Variants in GALNT16 observed in about 807,000 individuals in gnomAD.
GALNT16 encodes the protein polypeptide N-acetylgalactosaminyltransferase 16.
Under a neutral mutation model 76.1 loss-of-function variants are expected in GALNT16, and 40 were observed. That is an observed-to-expected ratio of 0.53 (90% CI 0.41 to 0.68). The LOEUF is 0.68. Ranked by LOEUF, GALNT16 falls within the 30% of genes least tolerant of loss-of-function variation. The probability of loss-of-function intolerance (pLI) is 0.00; values close to 1 mark genes in which losing one functional copy is unlikely to be tolerated. For missense variants in GALNT16, 621 were observed against 731.9 expected (o/e 0.85, Z 1.75); for synonymous variants, 276 against 285.2 (o/e 0.97, Z 0.32).
the GALNT16 span, among the ~76,000 whole-genome samples, chr14:69,371,822 T>TAATC: frequency 6.6e-6 from 1 of 151,796 alleles, no homozygotes; most frequent in Non-Finnish European, 1.5e-5. Flanking sequence ...CGTGAGCTTG[T>TAATC]AATCCCAGCT....
rs565558118 is a variant in GALNT16, at chr14:69,330,097, C to T, written c.691-1367C>T. ...GCAGTGGAGCTGCTAGGTGTAGACCCGAGAGAAATGAAAACATATGTTCAC... is the reference window on the plus strand; with the variant it reads ...GCAGTGGAGCTGCTAGGTGTAGACCTGAGAGAAATGAAAACATATGTTCAC... On this transcript the variant is annotated intron_variant, in intron 6 of 14. Coordinates refer to ENST00000448469, the MANE Select transcript of GALNT16 (RefSeq NM_001168368.2). Among the ~76,000 whole-genome samples, 44 of 151,850 alleles carry T rather than the reference C, an allele frequency of 2.9e-4. No homozygotes were observed. In the South Asian group the frequency reaches 4.8e-3, roughly 17 times the overall value.
At chr14:69,297,790 G>C (rs1185510586) in intron 1 of GALNT16, among the ~76,000 whole-genome samples, 1 of 152,076 alleles carries the variant, frequency 6.6e-6, no homozygotes, top group Non-Finnish European at 1.5e-5. Flanking sequence ...TATGTGTTCA[G>C]CCTCTAGGTC....
intron 1 of GALNT16, among the ~76,000 whole-genome samples, chr14:69,275,851 G>C (rs1170103283): frequency 6.6e-5 from 10 of 152,208 alleles, no homozygotes; most frequent in African/African-American, 2.4e-4. Flanking sequence ...TATAAAGTGA[G>C]ACATGTATTA....
At position 69,331,390 on chromosome 14, in the gene GALNT16, C is replaced by T. The variant is rs534367052; in HGVS notation, c.691-74C>T. 480 of 840,458 alleles carry T rather than the reference C, an allele frequency of 5.7e-4. 12 individuals carry two copies. The South Asian group carries it at 6.3e-3, about 11-fold the overall frequency. 52.1% of individuals were successfully genotyped at this position (840,458 alleles called of 1,614,324 possible). A position where few individuals can be genotyped will look rare whatever the true frequency, so the allele number is the denominator to read the frequency against. On this transcript the variant is annotated intron_variant, in intron 6 of 14. Transcript: ENST00000448469. Reference sequence around the variant, plus strand: ...GCCCCATGTCTCAGAGAGGCCTTCTCCCCAGAGCAGGCAGCTAGGCCTTTT... The same window carrying T: ...GCCCCATGTCTCAGAGAGGCCTTCTTCCCAGAGCAGGCAGCTAGGCCTTTT...
At chr14:69,379,477 G>A in the GALNT16 span, among the ~76,000 whole-genome samples, 1 of 152,186 alleles carries the variant, frequency 6.6e-6, no homozygotes, top group Non-Finnish European at 1.5e-5. Flanking sequence ...GGCAGGAACA[G>A]GGGGATATTA....
In GALNT16 at chr14:69,260,426, A is replaced by C. The variant is rs1482590873; in HGVS notation, c.136A>C (p.Arg46=). 2 of 1,588,892 alleles carry C rather than the reference A, an allele frequency of 1.3e-6. No homozygotes were observed. The highest frequency in any genetic ancestry group is 4.6e-5 in the East Asian group (2 of 43,698). The change falls in exon 1 of 15, where the codon AGG becomes CGG. Residue 46 remains arginine (R), a synonymous_variant. Transcript: ENST00000448469. ...GGRGAQRAGR[R]SEQLREDRTI... ...CCGGGGCGCGCAGAGGGCAGGCAGG[A>C]GGTCGGAGCAGCTCCGCGAGGACCG... is the stretch of plus-strand genomic sequence containing the variant.
chr14:69,282,335 A>G (rs2044555009), intron 1 of GALNT16, among the ~76,000 whole-genome samples: 1 of 152,060 alleles, frequency 6.6e-6, no homozygotes, highest in South Asian at 2.1e-4. Context: ...TGCTCCTTCC[A>G]CACTGACCTC....
chr14:69,297,572 T>A lies in GALNT16; in HGVS notation c.178-23139T>A, dbSNP rs138142351. Among the ~76,000 whole-genome samples the A allele has an allele frequency of 1.6e-4, 25 of 151,874 alleles. No individual in the cohort carries two copies. In the East Asian group the frequency reaches 4.8e-3, roughly 29 times the overall value. ...GTACTTAGCTCACTTTTAATGCTCA[T>A]CCTCAATCTTTAAGAGTATTTTTTT... On this transcript the variant is annotated intron_variant, in intron 1 of 14. Transcript: ENST00000448469.
intron 4 of GALNT16, 30 bp from the exon 5 acceptor site, chr14:69,325,932 A>C (rs1456094046): frequency 1.9e-6 from 3 of 1,596,244 alleles, no homozygotes; most frequent in Non-Finnish European, 2.6e-6. Context: ...CCATGTCTAA[A>C]TGAGCTTGCC....
intron 10 of GALNT16, 98 bp from the exon 11 acceptor site, chr14:69,339,429 C>T (rs2045455937): frequency 2.5e-6 from 2 of 791,964 alleles, no homozygotes; most frequent in Non-Finnish European, 4.5e-6. Flanking sequence ...TCCTGAGATT[C>T]TCATCGTCCT....
intron 1 of GALNT16, among the ~76,000 whole-genome samples, chr14:69,291,183 A>T (rs1001834351): frequency 6.6e-6 from 1 of 152,086 alleles, no homozygotes; most frequent in Non-Finnish European, 1.5e-5. Flanking sequence ...GTCCCAGCTA[A>T]CTCGGGAGGC....
At chr14:69,379,295 C>T in the GALNT16 span, among the ~76,000 whole-genome samples, 7 of 152,296 alleles carry the variant, frequency 4.6e-5, no homozygotes, top group South Asian at 1.2e-3. Context: ...TACAACTCTA[C>T]TTAATTTTGT....
chr14:69,290,950 G>A (rs1298966287), intron 1 of GALNT16, among the ~76,000 whole-genome samples: 1 of 152,166 alleles, frequency 6.6e-6, no homozygotes, highest in East Asian at 1.9e-4. Flanking sequence ...TCTGGGGTGC[G>A]GCAGCCCGCC....
chr14:69,312,054 A>AATCTATCTATCT (rs1555399252), intron 1 of GALNT16, among the ~76,000 whole-genome samples: 3 of 125,718 alleles, frequency 2.4e-5, no homozygotes, highest in Non-Finnish European at 1.7e-5. Context: ...AAAAAAAAAA[A>AATCTATCTATCT]ATCTGTCTAT....
At chr14:69,312,992 T>G (rs2045049696) in intron 1 of GALNT16, among the ~76,000 whole-genome samples, 2 of 152,230 alleles carry the variant, frequency 1.3e-5, no homozygotes, top group Non-Finnish European at 2.9e-5. Flanking sequence ...GCTAAGCCAC[T>G]CAGCAGCTAT....
In GALNT16 at chr14:69,345,703, A is replaced by AGTGTGTGTGTGTGTGTGTGTGTGTGTGT. The variant is rs55871607; in HGVS notation, c.1272-1330_1272-1303dup. 3.4e-3 allele frequency among the ~76,000 whole-genome samples: 459 copies of AGTGTGTGTGTGTGTGTGTGTGTGTGTGT among 135,062 alleles called. 8 individuals carry two copies. Among genetic ancestry groups the AGTGTGTGTGTGTGTGTGTGTGTGTGTGT allele is most frequent in the African/African-American group, 1.0e-2 (361 of 36,104 alleles). 88.6% of individuals were successfully genotyped at this position (135,062 alleles called of 152,430 possible). A position where few individuals can be genotyped will look rare whatever the true frequency, so the allele number is the denominator to read the frequency against. The stretch of plus-strand genomic sequence containing the variant: ...TCAGGTTTATTACCCATAAGGTGTC[A>AGTGTGTGTGTGTGTGTGTGTGTGTGTGT]GTGTGTGTGTGTGTGTGTGTGTGTG... On this transcript the variant is annotated intron_variant, in intron 12 of 14. Transcript: ENST00000448469.
chr14:69,348,345 A>G, intron 14 of GALNT16: 1 of 484,176 alleles, frequency 2.1e-6, no homozygotes. Context: ...GAAGTTTGAA[A>G]TAGATCATCT....
chr14:69,356,306 AAGAGTG>A (rs1233259169), downstream of GALNT16: 2 of 152,152 alleles, frequency 1.3e-5, no homozygotes, highest in Non-Finnish European at 2.9e-5. Context: ...AAGCGTGGAG[AAGAGTG>A]TACTAGGGGT....
intron 1 of GALNT16, among the ~76,000 whole-genome samples, chr14:69,276,840 C>T (rs944626116): frequency 1.6e-4 from 24 of 152,152 alleles, no homozygotes; most frequent in African/African-American, 5.8e-4. Context: ...AAGGAAAGAG[C>T]GAGCTTGTGA....
Sources: allele counts gnomAD v4.1 joint callset (sites outside exome capture counted in the v4.1 genomes callset), GRCh38; gene constraint gnomAD v4.1.1; transcripts MANE v1.5; gene names NCBI Gene and HGNC (gene_info 2026-07-23, HGNC 2026-07-21).